TMEM131L: variants seen among roughly 807,000 people sequenced by gnomAD.
TMEM131L encodes transmembrane protein 131-like.
Under a neutral mutation model 192.2 loss-of-function variants are expected in TMEM131L, and 54 were observed. The observed-to-expected ratio is 0.28, with a 90% CI of 0.23 to 0.35. The LOEUF is 0.35. Among genes scored for constraint, TMEM131L ranks in the 10% least tolerant of loss-of-function variants. The probability of loss-of-function intolerance (pLI) is 1.00; values close to 1 mark genes in which losing one functional copy is unlikely to be tolerated. For missense variants in TMEM131L, 1,888 were observed against 1,972.9 expected (o/e 0.96, Z 0.82); for synonymous variants, 701 against 704.9 (o/e 0.99, Z 0.09).
chr4:153,484,942 A>AC (rs1732214001), intron 3 of TMEM131L, among the ~76,000 whole-genome samples: 1 of 144,534 alleles, frequency 6.9e-6, no homozygotes, highest in African/African-American at 2.5e-5. Flanking sequence ...ACATGGTGAA[A>AC]CCCCGTCTCT....
At chr4:153,622,432 A>G (rs1213998953) in intron 28 of TMEM131L, among the ~76,000 whole-genome samples, 3 of 152,182 alleles carry the variant, frequency 2.0e-5, no homozygotes, top group Admixed American at 6.5e-5. Context: ...GCTGGTTTCT[A>G]TCTCCACCCT....
chr4:153,589,862 T>C (rs1398754361), intron 16 of TMEM131L, among the ~76,000 whole-genome samples: 1 of 152,158 alleles, frequency 6.6e-6, no homozygotes, highest in Admixed American at 6.5e-5. Flanking sequence ...CACACACACA[T>C]AGAAACACAT....
In TMEM131L at chr4:153,555,823, T is replaced by G; in HGVS notation, c.345T>G (p.Ala115=). ...ATCCTGTAGCAAAGATTCTCCATGC[T>G]TACAACCCTAGTAGGGACAGCGAGG... ...LGHPVAKILH[A]YNPSRDSEVV... The change falls in exon 5 of 35, where the codon GCT becomes GCG. Residue 115 remains alanine, a synonymous_variant. Coordinates refer to ENST00000409959, the MANE Select transcript of TMEM131L (RefSeq NM_001131007.2). This position sits in a 1 kb window ranked among gnomAD's most constrained non-coding sequence, Gnocchi z 4.1. The G allele has an allele frequency of 6.4e-7, 1 of 1,551,652 alleles. No individual in the cohort carries two copies. Among genetic ancestry groups the G allele is most frequent in the Non-Finnish European group, 8.7e-7 (1 of 1,146,808 alleles).
chr4:153,622,000 T>A, intron 28 of TMEM131L, 151 bp downstream of exon 28: 2 of 781,592 alleles, frequency 2.6e-6, no homozygotes, highest in Non-Finnish European at 4.0e-6. Flanking sequence ...GCTTTCAGGG[T>A]GAGACCAGAA....
chr4:153,526,614 T>G (rs1204933373), intron 3 of TMEM131L, among the ~76,000 whole-genome samples: 1 of 151,968 alleles, frequency 6.6e-6, no homozygotes, highest in African/African-American at 2.4e-5. Context: ...GGCGGGCACC[T>G]GTAGTCCCAG....
intron 3 of TMEM131L, among the ~76,000 whole-genome samples, chr4:153,496,203 A>C (rs1386568556): frequency 6.6e-6 from 1 of 152,262 alleles, no homozygotes; most frequent in East Asian, 1.9e-4. Context: ...ATCCTTGCCT[A>C]AGCATTACTT....
chr4:153,623,111 T>A lies in TMEM131L; in HGVS notation c.4045+28T>A, dbSNP rs750443462. 3.2e-6 allele frequency: 5 copies of A among 1,540,616 alleles called. No homozygotes were observed. In the Admixed American group the frequency reaches 1.0e-4, roughly 32 times the overall value. On this transcript the variant is annotated intron_variant, in intron 29 of 34. Coordinates refer to ENST00000409959, the MANE Select transcript of TMEM131L (RefSeq NM_001131007.2). The stretch of plus-strand genomic sequence containing the variant: ...GAGTCCTGAGCAGAGCCCCAGGCAC[T>A]CTCGGTGGCCCTTCCCTCTGCCCTC...
chr4:153,497,202 G>GT (rs948864268), intron 3 of TMEM131L, among the ~76,000 whole-genome samples: 4 of 152,280 alleles, frequency 2.6e-5, no homozygotes, highest in Admixed American at 1.3e-4. Context: ...TTTGGGGAAA[G>GT]TTTGTCTCCC....
chr4:153,604,837 T>C (rs976533583), intron 25 of TMEM131L, among the ~76,000 whole-genome samples: 9 of 152,218 alleles, frequency 5.9e-5, no homozygotes, highest in African/African-American at 1.9e-4. Flanking sequence ...CTCGAGTAGC[T>C]GGGATTACAG....
intron 3 of TMEM131L, among the ~76,000 whole-genome samples, chr4:153,477,615 C>T (rs1175008176): frequency 6.6e-6 from 1 of 152,056 alleles, no homozygotes; most frequent in Non-Finnish European, 1.5e-5. Flanking sequence ...AAAAATTTTA[C>T]ATCATGCCTG....
intron 20 of TMEM131L, among the ~76,000 whole-genome samples, chr4:153,597,858 G>A (rs572951942): frequency 3.3e-5 from 5 of 152,118 alleles, no homozygotes; most frequent in Non-Finnish European, 7.4e-5. Flanking sequence ...GCGTGAGCCT[G>A]GGAGGTTGAG....
At chr4:153,596,967 T>G (rs1311507841) in intron 20 of TMEM131L, among the ~76,000 whole-genome samples, 1 of 152,152 alleles carries the variant, frequency 6.6e-6, no homozygotes, top group African/African-American at 2.4e-5. Flanking sequence ...CTTTTAAAAA[T>G]TTACAGTAAA....
At chr4:153,475,935 C>T (rs892519529) in intron 3 of TMEM131L, among the ~76,000 whole-genome samples, 2 of 152,176 alleles carry the variant, frequency 1.3e-5, no homozygotes, top group Non-Finnish European at 2.9e-5. Flanking sequence ...AGGGATTCGA[C>T]TGTACTAATA....
At chr4:153,470,381 G>C (rs1484965817) in intron 2 of TMEM131L, among the ~76,000 whole-genome samples, 1 of 152,132 alleles carries the variant, frequency 6.6e-6, no homozygotes, top group African/African-American at 2.4e-5. Flanking sequence ...TGAAAGGTCT[G>C]AATAGTACAG....
intron 17 of TMEM131L, among the ~76,000 whole-genome samples, chr4:153,591,587 C>T (rs995961923): frequency 2.8e-4 from 43 of 152,226 alleles, no homozygotes; most frequent in African/African-American, 9.6e-4. Flanking sequence ...GTGTTGACTT[C>T]GGTGCTTGTC....
chr4:153,546,214 C>CTTT (rs539302643), intron 3 of TMEM131L, among the ~76,000 whole-genome samples: 1 of 137,998 alleles, frequency 7.2e-6, no homozygotes, highest in African/African-American at 2.6e-5. Context: ...TAACTAGGAG[C>CTTT]TTTTTTTTTT....
intron 3 of TMEM131L, among the ~76,000 whole-genome samples, chr4:153,500,650 A>G (rs1293999325): frequency 6.6e-6 from 1 of 152,214 alleles, no homozygotes; most frequent in Non-Finnish European, 1.5e-5. Flanking sequence ...TTTTATTTTA[A>G]TGGGAACTGC....
At position 153,591,124 on chromosome 4, in the gene TMEM131L, T is replaced by C; in HGVS notation, c.1742T>C (p.Phe581Ser). The C allele has an allele frequency of 6.2e-7, 1 of 1,611,870 alleles. No homozygotes were observed. Among genetic ancestry groups the C allele is most frequent in the South Asian group, 1.1e-5 (1 of 90,848 alleles). ...KSKESESFVFFLPRLIAEPGL... is the reference protein window; with the variant it reads ...KSKESESFVFSLPRLIAEPGL... ...AAGGAGTCAGAGTCCTTTGTTTTCT[T>C]TTTGCCTCGTTTGATCGCAGAGCCT... The change falls in exon 17 of 35, where the codon TTT becomes TCT. Residue 581 changes from phenylalanine (F) to serine (S), a missense_variant. By Grantham distance (155) the Phe-to-Ser change is radical (BLOSUM62 -2). Coordinates refer to ENST00000409959, the MANE Select transcript of TMEM131L (RefSeq NM_001131007.2).
chr4:153,587,610 G>C (rs1220341999), intron 14 of TMEM131L, 132 bp from the exon 15 acceptor site: 1 of 710,706 alleles, frequency 1.4e-6, no homozygotes, highest in Non-Finnish European at 2.5e-6. Flanking sequence ...CAATTAGAAA[G>C]TAATTTTTGG....
Sources: gnomAD v4.1 joint callset for allele counts (sites outside exome capture counted in the v4.1 genomes callset) on GRCh38, gnomAD v4.1.1 for gene constraint, Gnocchi (gnomAD v3.1) non-coding constraint, MANE v1.5 for transcripts, NCBI Gene and HGNC (gene_info 2026-07-23, HGNC 2026-07-21) for gene names.